The following XXYLT1 variants were observed in gnomAD, a reference collection of about 807,000 sequenced individuals.
XXYLT1 encodes UDP-xylose:alpha-xyloside alpha-1,3-xylosyltransferase.
A neutral mutation model predicts 28.9 loss-of-function variants in XXYLT1; 20 were observed. The observed-to-expected ratio is 0.69, with a 90% CI of 0.49 to 1.00. XXYLT1 has a LOEUF of 1.00. Ranked by LOEUF, XXYLT1 falls within the 50% of genes least tolerant of loss-of-function variation. The probability of loss-of-function intolerance (pLI) is 0.00; values close to 1 mark genes in which losing one functional copy is unlikely to be tolerated. For missense variants in XXYLT1, 542 were observed against 560.1 expected (o/e 0.97, Z 0.33); for synonymous variants, 257 against 253.8 (o/e 1.01, Z -0.12).
chr3:195,149,926 C>T (rs9879452), intron 3 of XXYLT1, among the ~76,000 whole-genome samples: 80,701 of 152,098 alleles, frequency 0.53, 22,823 homozygotes, highest in Non-Finnish European at 0.62. Flanking sequence ...ACATATCCAG[C>T]GTTTTTGTCT....
chr3:195,141,533 G>C (rs12491661), intron 3 of XXYLT1, among the ~76,000 whole-genome samples: 17,847 of 152,130 alleles, frequency 0.12, 1,173 homozygotes, highest in East Asian at 0.27. Context: ...GACATTCTAA[G>C]ACCTCAGGCT....
intron 2 of XXYLT1, among the ~76,000 whole-genome samples, chr3:195,182,796 G>C (rs368916340): frequency 1.1e-4 from 17 of 152,054 alleles, no homozygotes; most frequent in East Asian, 9.6e-4. Context: ...AAAAACAACT[G>C]CCTCCCTATA....
rs529730284 is a variant in XXYLT1, at chr3:195,259,581, G to A, written c.504+10974C>T. 2.4e-4 allele frequency: 232 copies of A among 985,438 alleles called. No homozygotes were observed. In the African/African-American group the frequency reaches 3.6e-3, roughly 15 times the overall value. The allele number at this position is 985,438 out of a possible 1,614,324, so 61.0% of individuals were successfully genotyped here. A position where few individuals can be genotyped will look rare whatever the true frequency, so the allele number is the denominator to read the frequency against. On this transcript the variant is annotated intron_variant, in intron 1 of 3. Coordinates refer to ENST00000310380, the MANE Select transcript of XXYLT1 (RefSeq NM_152531.5). ...GGAGAGGCCTCCCGCCCCAGGTACA[G>A]GCCTGGGAAGCCCTCATCTCACCGC... is the stretch of plus-strand genomic sequence containing the variant.
intron 3 of XXYLT1, among the ~76,000 whole-genome samples, chr3:195,142,079 T>C (rs972051727): frequency 2.0e-5 from 3 of 152,212 alleles, no homozygotes; most frequent in Admixed American, 2.0e-4. Flanking sequence ...CCCAAATATG[T>C]AAGCCCTCCA....
rs543608308 is a variant in XXYLT1 at position 195,073,592 on chromosome 3, C to T, written c.786-3481G>A. On this transcript the variant is annotated intron_variant, in intron 3 of 3. Coordinates refer to ENST00000310380, the MANE Select transcript of XXYLT1 (RefSeq NM_152531.5). ...TCTTCCATAGTCACCTGGAGACCCA[C>T]GGTAGAGGGGATAAGCCTTTTTCAC... Among the ~76,000 whole-genome samples the T allele has an allele frequency of 4.6e-5, 7 of 152,144 alleles. No homozygotes were observed. The South Asian group carries it at 1.5e-3, about 32-fold the overall frequency.
chr3:195,227,915 G>C (rs768511701), intron 1 of XXYLT1, among the ~76,000 whole-genome samples: 3 of 152,224 alleles, frequency 2.0e-5, no homozygotes, highest in Non-Finnish European at 2.9e-5. Context: ...TATGGCCCAT[G>C]CGCAGCCCCA....
chr3:195,175,652 C>T (rs1437089831), intron 2 of XXYLT1: 16 of 1,536,022 alleles, frequency 1.0e-5, no homozygotes, highest in Non-Finnish European at 1.4e-5. Context: ...CTTCCTGGAT[C>T]CTTGCAGCGA....
chr3:195,088,861 G>C (rs1162011937), intron 3 of XXYLT1, among the ~76,000 whole-genome samples: 2 of 148,014 alleles, frequency 1.4e-5, no homozygotes, highest in African/African-American at 4.9e-5. Context: ...ACCAAGGCTC[G>C]AGAACTACGT....
intron 3 of XXYLT1, among the ~76,000 whole-genome samples, chr3:195,100,604 T>C (rs1188090524): frequency 4.6e-5 from 7 of 152,056 alleles, no homozygotes; most frequent in African/African-American, 1.7e-4. Context: ...TCCCCGGCAC[T>C]CTCCCCTGTA....
At chr3:195,131,563 A>G (rs762811501) in intron 3 of XXYLT1, among the ~76,000 whole-genome samples, 1 of 152,206 alleles carries the variant, frequency 6.6e-6, no homozygotes, top group Non-Finnish European at 1.5e-5. Flanking sequence ...CAGCTGTAGG[A>G]CACTTTTCCC....
intron 3 of XXYLT1, among the ~76,000 whole-genome samples, chr3:195,123,712 C>T (rs1398870674): frequency 1.3e-5 from 2 of 152,172 alleles, no homozygotes; most frequent in African/African-American, 4.8e-5. Flanking sequence ...TTAAATGTCT[C>T]CGGAGCCCAC....
At chr3:195,249,116 C>A (rs1460427695) in intron 1 of XXYLT1, among the ~76,000 whole-genome samples, 1 of 152,152 alleles carries the variant, frequency 6.6e-6, no homozygotes, top group Non-Finnish European at 1.5e-5. Flanking sequence ...TCACATCCAT[C>A]GCCTCCTTTT....
intron 3 of XXYLT1, among the ~76,000 whole-genome samples, chr3:195,079,128 C>T (rs1225156970): frequency 2.0e-5 from 3 of 152,194 alleles, no homozygotes; most frequent in African/African-American, 7.2e-5. Context: ...GCCCCCAGTA[C>T]ATCACTGCAT....
intron 2 of XXYLT1, among the ~76,000 whole-genome samples, chr3:195,160,045 G>C (rs1361111013): frequency 6.6e-6 from 1 of 151,710 alleles, no homozygotes; most frequent in East Asian, 1.9e-4. Context: ...TTACAACCCA[G>C]AGTGAGTAAT....
At chr3:195,108,715 ATCTG>A (rs1410985771) in intron 3 of XXYLT1, among the ~76,000 whole-genome samples, 6 of 152,246 alleles carry the variant, frequency 3.9e-5, no homozygotes, top group Non-Finnish European at 5.9e-5. Flanking sequence ...ACACAATGGT[ATCTG>A]TCTATCTAAA....
chr3:195,150,790 A>G lies in XXYLT1; in HGVS notation c.785+5659T>C, dbSNP rs943968262. Reference sequence around the variant, plus strand: ...CACATACGCACACACTCACACACATATGCACACTCTCACACACTCACATAC... The same window carrying G: ...CACATACGCACACACTCACACACATGTGCACACTCTCACACACTCACATAC... On this transcript the variant is annotated intron_variant, in intron 3 of 3. Coordinates refer to ENST00000310380, the MANE Select transcript of XXYLT1 (RefSeq NM_152531.5). This position sits in a 1 kb window ranked among gnomAD's most constrained non-coding sequence, Gnocchi z 4.7. Among the ~76,000 whole-genome samples the G allele has an allele frequency of 2.7e-5, 4 of 149,692 alleles. No homozygotes were observed. The highest frequency in any genetic ancestry group is 4.5e-5 in the Non-Finnish European group (3 of 67,330).
At chr3:195,261,404 G>A (rs1340170690) in intron 1 of XXYLT1, among the ~76,000 whole-genome samples, 2 of 152,142 alleles carry the variant, frequency 1.3e-5, no homozygotes, top group East Asian at 1.9e-4. Flanking sequence ...ACACACCACT[G>A]CACTCTGGCC....
Position 195,200,208 on chromosome 3 carries a change from G to A in XXYLT1, c.652+26501C>T, listed in dbSNP as rs73206662. 6.1e-3 allele frequency among the ~76,000 whole-genome samples: 931 copies of A among 152,242 alleles called. 8 individuals are homozygous for A. Among genetic ancestry groups the A allele is most frequent in the South Asian group, 8.3e-3 (40 of 4,830 alleles). The stretch of plus-strand genomic sequence containing the variant: ...GAAGCAGCGCGGTTCCAGATCTGGC[G>A]CTCTGGAAAGCCGTGAAGCAGCGTG... On this transcript the variant is annotated intron_variant, in intron 2 of 3. Transcript: ENST00000310380.
At chr3:195,178,053 C>T (rs1033629572) in intron 2 of XXYLT1, among the ~76,000 whole-genome samples, 5 of 151,852 alleles carry the variant, frequency 3.3e-5, no homozygotes, top group Non-Finnish European at 2.9e-5. Flanking sequence ...AAGACCTGTG[C>T]ATTTCATTGT....
Sources: gnomAD v4.1 joint callset for allele counts (sites outside exome capture counted in the v4.1 genomes callset) on GRCh38, gnomAD v4.1.1 for gene constraint, Gnocchi (gnomAD v3.1) non-coding constraint, MANE v1.5 for transcripts, NCBI Gene and HGNC (gene_info 2026-07-23, HGNC 2026-07-21) for gene names.